Variants in TRPC5OS observed in about 807,000 individuals in gnomAD.
The protein encoded by TRPC5OS is putative uncharacterized protein TRPC5OS.
For synonymous variants in TRPC5OS, 30 were observed against 29.3 expected, an observed-to-expected ratio of 1.02 and a Z score of -0.08; for missense variants, 64 against 79.3, an observed-to-expected ratio of 0.81 and a Z score of 0.73.
In TRPC5OS at chrX:111,877,411, T is replaced by C. The variant is rs1053284693; in HGVS notation, c.-546+1138T>C. Reference sequence around the variant, plus strand: ...GTTCATTTTAGTTGTGGTGACTTAGTGTTCTGGTTTGCTTGGGGTTGAGGG... The same window carrying C: ...GTTCATTTTAGTTGTGGTGACTTAGCGTTCTGGTTTGCTTGGGGTTGAGGG... On this transcript the variant is annotated intron_variant, in intron 1 of 3. Coordinates refer to ENST00000635763, the MANE Select transcript of TRPC5OS (RefSeq NM_001195578.2). Among the ~76,000 whole-genome samples the C allele has an allele frequency of 4.5e-5, 5 of 111,157 alleles. No individual in the cohort carries two copies. In the Admixed American group the frequency reaches 4.8e-4, roughly 11 times the overall value.
chrX:111,889,102 G>A (rs1406898415), intron 1 of TRPC5OS, among the ~76,000 whole-genome samples: 4 of 112,078 alleles, frequency 3.6e-5, no homozygotes, highest in Admixed American at 9.5e-5. Flanking sequence ...AAATAAATTT[G>A]GGAGTCATCT....
intron 3 of TRPC5OS, among the ~76,000 whole-genome samples, chrX:111,900,279 C>A (rs775423436): frequency 8.9e-6 from 1 of 111,803 alleles, no homozygotes; most frequent in Admixed American, 9.5e-5. Context: ...TAGATGACTA[C>A]TTCCTAAGAC....
chrX:111,894,719 T>TA (rs1232010890), intron 1 of TRPC5OS, among the ~76,000 whole-genome samples: 1 of 104,062 alleles, frequency 9.6e-6, no homozygotes, highest in Non-Finnish European at 1.9e-5. Context: ...GCCTAAAATT[T>TA]AAAAAATAAA....
rs1925490400 is a variant in TRPC5OS, at chrX:111,903,984, A to G, written c.*1799A>G. 8.9e-6 allele frequency: 1 copy of G among 112,215 alleles called. No homozygotes were observed. The highest frequency in any genetic ancestry group is 1.9e-5 in the Non-Finnish European group (1 of 53,233). 9.2% of individuals were successfully genotyped at this position (112,215 alleles called of 1,213,427 possible). ...ACTAATAAACTTTCATTCACAAATC[A>G]AAAAAACGTGTGGTCATCTTAAATT... On this transcript the variant is annotated 3_prime_UTR_variant, in exon 4 of 4. Transcript: ENST00000635763.
chrX:111,895,325 T>G, intron 1 of TRPC5OS, among the ~76,000 whole-genome samples: 1 of 111,857 alleles, frequency 8.9e-6, no homozygotes, highest in Non-Finnish European at 1.9e-5. Context: ...ATTCGGATAT[T>G]CTCCTCTATG....
chrX:111,879,180 T>C (rs1454403208), intron 1 of TRPC5OS, among the ~76,000 whole-genome samples: 1 of 111,730 alleles, frequency 9.0e-6, no homozygotes, highest in African/African-American at 3.3e-5. Flanking sequence ...GCTGGTAGCC[T>C]CCTCAGAGAC....
chrX:111,888,693 C>CAAAAAAAAAAAAA (rs753735549), intron 1 of TRPC5OS, among the ~76,000 whole-genome samples: 2 of 10,979 alleles, frequency 1.8e-4, no homozygotes, highest in Non-Finnish European at 4.2e-4. Context: ...GACTCTATCT[C>CAAAAAAAAAAAAA]AAAAAAAAAA....
intron 1 of TRPC5OS, among the ~76,000 whole-genome samples, chrX:111,876,800 A>C (rs933368726): frequency 7.2e-5 from 8 of 111,804 alleles, no homozygotes; most frequent in African/African-American, 2.6e-4. Context: ...CGACAAACTC[A>C]GTTCCTGGCT....
At chrX:111,893,815 A>G (rs1220699291) in intron 1 of TRPC5OS, among the ~76,000 whole-genome samples, 1 of 111,840 alleles carries the variant, frequency 8.9e-6, no homozygotes, top group Non-Finnish European at 1.9e-5. Flanking sequence ...GCACACAGTT[A>G]TTTTTTTAAA....
rs1041715779 is a variant in TRPC5OS at position 111,901,768 on chromosome X, C to A, written c.-82C>A. 2.1e-5 allele frequency: 16 copies of A among 772,361 alleles called. No homozygotes were observed. Among genetic ancestry groups the A allele is most frequent in the Non-Finnish European group, 2.7e-5 (15 of 560,837 alleles). The allele number at this position is 772,361 out of a possible 1,213,427, so 63.7% of individuals were successfully genotyped here. ...AACCAACCACAGAACCATTGTTAGC[C>A]CCTTATACTATCCATTGTCACCAAG... On this transcript the variant is annotated 5_prime_UTR_variant, in exon 4 of 4. Coordinates refer to ENST00000635763, the MANE Select transcript of TRPC5OS (RefSeq NM_001195578.2).
At chrX:111,886,350 A>T (rs972239851) in intron 1 of TRPC5OS, among the ~76,000 whole-genome samples, 2 of 112,571 alleles carry the variant, frequency 1.8e-5, no homozygotes, top group African/African-American at 6.5e-5. Flanking sequence ...GTACATACCC[A>T]TGTAGCCAAG....
At chrX:111,885,556 T>TA (rs76274807) in intron 1 of TRPC5OS, among the ~76,000 whole-genome samples, 2,391 of 107,376 alleles carry the variant, frequency 0.022, 31 homozygotes, top group Non-Finnish European at 0.033. Flanking sequence ...TTTTTTTTTT[T>TA]TAAAAAAAGA....
chrX:111,896,991 A>G (rs936573772), intron 3 of TRPC5OS, among the ~76,000 whole-genome samples: 1 of 112,240 alleles, frequency 8.9e-6, no homozygotes, highest in African/African-American at 3.2e-5. Context: ...GAGCACCAAC[A>G]TGACACCTTT....
intron 1 of TRPC5OS, among the ~76,000 whole-genome samples, chrX:111,880,675 A>G (rs76386310): frequency 8.9e-6 from 1 of 112,445 alleles, no homozygotes; most frequent in Non-Finnish European, 1.9e-5. Flanking sequence ...CTAATGTGCA[A>G]TGAATCAAAT....
chrX:111,879,925 T>A (rs1420745078), intron 1 of TRPC5OS, among the ~76,000 whole-genome samples: 8 of 112,018 alleles, frequency 7.1e-5, no homozygotes, highest in Non-Finnish European at 1.3e-4. Flanking sequence ...TTCATTTTTT[T>A]TTTTCTCAAA....
chrX:111,886,294 T>G (rs1013445340), intron 1 of TRPC5OS, among the ~76,000 whole-genome samples: 2 of 112,126 alleles, frequency 1.8e-5, no homozygotes, highest in Non-Finnish European at 3.8e-5. Flanking sequence ...AATAAAATAA[T>G]GTTTTTTCTT....
chrX:111,898,573 T>C (rs985678230), intron 3 of TRPC5OS, among the ~76,000 whole-genome samples: 5 of 110,267 alleles, frequency 4.5e-5, no homozygotes, highest in African/African-American at 1.6e-4. Context: ...GATTATATAC[T>C]ATGCTGGCAA....
At chrX:111,896,379 G>C (rs1019240958) in intron 2 of TRPC5OS, 28 bp from the exon 3 acceptor site, 1 of 109,244 alleles carries the variant, frequency 9.2e-6, no homozygotes, top group Non-Finnish European at 1.9e-5. Flanking sequence ...TTTGGTGGGG[G>C]CGGGTGTGGT....
intron 1 of TRPC5OS, among the ~76,000 whole-genome samples, chrX:111,886,626 G>A (rs1024897062): frequency 1.3e-4 from 14 of 111,854 alleles, no homozygotes; most frequent in African/African-American, 4.2e-4. Context: ...GACAAACCTG[G>A]TCTATTCAGT....
Sources: allele counts gnomAD v4.1 joint callset (sites outside exome capture counted in the v4.1 genomes callset), GRCh38; gene constraint gnomAD v4.1.1; transcripts MANE v1.5; gene names NCBI Gene and HGNC (gene_info 2026-07-23, HGNC 2026-07-21).